The following KLF8 variants were observed in gnomAD, a reference collection of about 807,000 sequenced individuals.
The protein encoded by KLF8 is KLF transcription factor 8.
A neutral mutation model predicts 18.2 loss-of-function variants in KLF8; 10 were observed. That is an observed-to-expected ratio of 0.55 (90% CI 0.34 to 0.93). The LOEUF (loss-of-function observed/expected upper bound fraction) is 0.93, where lower values mean the gene tolerates loss of function less well. Ranked by LOEUF, KLF8 falls within the 40% of genes least tolerant of loss-of-function variation. KLF8 has a pLI of 0.02. For missense variants in KLF8, 264 were observed against 277.9 expected (o/e 0.95, Z 0.36); for synonymous variants, 109 against 97.3 (o/e 1.12, Z -0.71).
the KLF8 span, among the ~76,000 whole-genome samples, chrX:56,052,912 C>T: frequency 0.019 from 2,152 of 111,308 alleles, 47 homozygotes; most frequent in African/African-American, 0.067. Flanking sequence ...TGCTAGCAAT[C>T]TGCGAGACTC....
chrX:55,962,889 A>T, the KLF8 span, among the ~76,000 whole-genome samples: 1 of 112,600 alleles, frequency 8.9e-6, no homozygotes, highest in African/African-American at 3.2e-5. Flanking sequence ...TTGAGAGAAG[A>T]CCTACTTCTA....
chrX:56,187,949 T>C, the KLF8 span, among the ~76,000 whole-genome samples: 1 of 112,009 alleles, frequency 8.9e-6, no homozygotes, highest in African/African-American at 3.2e-5. Flanking sequence ...AAACATTCCC[T>C]TTGAAAACGG....
intron 2 of KLF8, among the ~76,000 whole-genome samples, chrX:56,252,096 T>C (rs2066723433): frequency 9.0e-6 from 1 of 110,899 alleles, no homozygotes; most frequent in Non-Finnish European, 1.9e-5. Context: ...CACTGCAACC[T>C]CCGCCTCCCA....
At chrX:56,155,749 A>G in the KLF8 span, among the ~76,000 whole-genome samples, 1 of 111,350 alleles carries the variant, frequency 9.0e-6, no homozygotes, top group Non-Finnish European at 1.9e-5. Context: ...TTGGAATACA[A>G]ATCCCATCAC....
chrX:55,968,877 A>G, the KLF8 span, among the ~76,000 whole-genome samples: 1 of 111,939 alleles, frequency 8.9e-6, no homozygotes, highest in Non-Finnish European at 1.9e-5. Flanking sequence ...TTATGTAATG[A>G]TAAGGTGGTC....
At chrX:56,244,189 T>A (rs752289663) in intron 1 of KLF8, among the ~76,000 whole-genome samples, 1 of 112,061 alleles carries the variant, frequency 8.9e-6, no homozygotes, top group Non-Finnish European at 1.9e-5. Context: ...TCCTCATTTT[T>A]AAATTTCATT....
At chrX:56,000,722 G>C in the KLF8 span, among the ~76,000 whole-genome samples, 2 of 110,718 alleles carry the variant, frequency 1.8e-5, no homozygotes, top group African/African-American at 3.3e-5. Context: ...ATAATTATTT[G>C]AATATTCTCT....
intron 5 of KLF8, among the ~76,000 whole-genome samples, chrX:56,277,568 G>T (rs943524425): frequency 8.1e-5 from 9 of 111,785 alleles, no homozygotes; most frequent in Non-Finnish European, 1.5e-4. Context: ...GCATCCCTGT[G>T]GCCACCACCA....
At chrX:56,178,419 C>G in the KLF8 span, among the ~76,000 whole-genome samples, 7 of 111,947 alleles carry the variant, frequency 6.3e-5, no homozygotes, top group African/African-American at 2.3e-4. Flanking sequence ...AAAACTTTCT[C>G]CCATCCTGTA....
At chrX:56,174,894 A>G in the KLF8 span, among the ~76,000 whole-genome samples, 1 of 111,772 alleles carries the variant, frequency 8.9e-6, no homozygotes, top group Non-Finnish European at 1.9e-5. Context: ...AGATGTGTTT[A>G]TACCATTCTC....
chrX:55,923,742 GTGTA>G, the KLF8 span, among the ~76,000 whole-genome samples: 8 of 88,025 alleles, frequency 9.1e-5, no homozygotes, highest in South Asian at 2.7e-3. Flanking sequence ...GTGTGTGTGT[GTGTA>G]TATCTGTATA....
At chrX:56,045,652 CT>C in the KLF8 span, among the ~76,000 whole-genome samples, 3 of 111,665 alleles carry the variant, frequency 2.7e-5, no homozygotes, top group South Asian at 1.1e-3. Flanking sequence ...AATTATTTTA[CT>C]TTTTTTGCAC....
the KLF8 span, among the ~76,000 whole-genome samples, chrX:55,995,600 G>T: frequency 8.9e-6 from 1 of 111,854 alleles, no homozygotes; most frequent in East Asian, 2.8e-4. Flanking sequence ...CTTATTATTT[G>T]CTTTTCTGAA....
the KLF8 span, among the ~76,000 whole-genome samples, chrX:56,092,222 C>T: frequency 9.0e-6 from 1 of 111,085 alleles, no homozygotes; most frequent in Admixed American, 9.6e-5. Flanking sequence ...ATATTAGTCC[C>T]CTGTTAGATA....
chrX:56,076,754 C>A, the KLF8 span, among the ~76,000 whole-genome samples: 1 of 111,730 alleles, frequency 9.0e-6, no homozygotes, highest in African/African-American at 3.3e-5. Context: ...CACAGTCCCA[C>A]CAACAGTGTA....
chrX:56,052,930 G>T, the KLF8 span, among the ~76,000 whole-genome samples: 2 of 111,612 alleles, frequency 1.8e-5, no homozygotes, highest in African/African-American at 6.5e-5. Context: ...CTCCGTGGGC[G>T]TAGGACCCTC....
chrX:56,091,589 C>G, the KLF8 span, among the ~76,000 whole-genome samples: 1 of 110,055 alleles, frequency 9.1e-6, no homozygotes, highest in Admixed American at 9.6e-5. Context: ...CTCCGCCTCT[C>G]AGGTTCAAGC....
intron 5 of KLF8, among the ~76,000 whole-genome samples, chrX:56,271,076 G>C (rs1273875035): frequency 8.9e-6 from 1 of 112,225 alleles, no homozygotes; most frequent in Non-Finnish European, 1.9e-5. Flanking sequence ...CATGGTATTA[G>C]GTAACGTAAG....
chrX:56,061,253 T>A, the KLF8 span, among the ~76,000 whole-genome samples: 3 of 111,881 alleles, frequency 2.7e-5, no homozygotes, highest in Admixed American at 2.8e-4. Context: ...TTAATTTTGA[T>A]GTTAGGGTGT....
Sources: allele counts gnomAD v4.1 joint callset (sites outside exome capture counted in the v4.1 genomes callset), GRCh38; gene constraint gnomAD v4.1.1; transcripts MANE v1.5; gene names NCBI Gene and HGNC (gene_info 2026-07-23, HGNC 2026-07-21).